The following FAM216A variants were observed in gnomAD, a reference collection of about 807,000 sequenced individuals.
FAM216A encodes family with sequence similarity 216 member A.
A neutral mutation model predicts 37.6 loss-of-function variants in FAM216A; 26 were observed. The ratio of observed to expected loss-of-function variants is 0.69; its 90% CI spans 0.51 to 0.96. The LOEUF (loss-of-function observed/expected upper bound fraction) is 0.96. FAM216A is among the 40% of genes least tolerant of loss of function. The pLI is 0.00. For missense variants in FAM216A, 326 were observed against 339.3 expected (o/e 0.96, Z 0.31); for synonymous variants, 110 against 121.7 (o/e 0.90, Z 0.64).
intron 2 of FAM216A, among the ~76,000 whole-genome samples, chr12:110,479,097 G>A (rs2062731482): frequency 6.6e-6 from 1 of 151,654 alleles, no homozygotes. Context: ...GCTGAGGCAG[G>A]AGAATGGCGT....
At chr12:110,469,047 G>T in intron 1 of FAM216A, 29 bp downstream of exon 1, 1 of 1,408,020 alleles carries the variant, frequency 7.1e-7, no homozygotes, top group South Asian at 1.5e-5. Context: ...GGGTAAGGGT[G>T]GCAGCATGGG....
intron 1 of FAM216A, among the ~76,000 whole-genome samples, chr12:110,470,824 T>TA (rs966775995): frequency 1.3e-5 from 2 of 150,936 alleles, no homozygotes; most frequent in Non-Finnish European, 3.0e-5. Context: ...AAACTACAAT[T>TA]AAAAAAAAAG....
chr12:110,477,356 T>G (rs2135546100), intron 2 of FAM216A, among the ~76,000 whole-genome samples: 1 of 152,300 alleles, frequency 6.6e-6, no homozygotes, highest in East Asian at 1.9e-4. Context: ...TTTTATTTAT[T>G]TATTTATTTA....
rs2062695756 is a variant in FAM216A, at chr12:110,473,065, A to G, written c.144-13A>G. The G allele has an allele frequency of 7.0e-7, 1 of 1,435,970 alleles. No homozygotes were observed. The highest frequency in any genetic ancestry group is 9.5e-7 in the Non-Finnish European group (1 of 1,053,494). 89.0% of individuals were successfully genotyped at this position (1,435,970 alleles called of 1,614,324 possible). On this transcript the variant is annotated splice_polypyrimidine_tract_variant and intron_variant, in intron 1 of 6. Coordinates refer to ENST00000377673, the MANE Select transcript of FAM216A (RefSeq NM_013300.3). ...TTATTACATATTATTTATATGCTTT[A>G]TTTTTTCAACAGATCAGCTGGATAC...
intron 5 of FAM216A, chr12:110,487,122 T>G (rs907109506): frequency 1.3e-5 from 2 of 156,946 alleles, no homozygotes; most frequent in African/African-American, 4.8e-5. Context: ...GGCTGGACTT[T>G]TAAAAAGCAG....
chr12:110,477,749 G>A (rs1369376370), intron 2 of FAM216A, among the ~76,000 whole-genome samples: 1 of 138,990 alleles, frequency 7.2e-6, no homozygotes, highest in Non-Finnish European at 1.6e-5. Context: ...CCTCTGTCGC[G>A]CAGGCTGGAG....
In FAM216A at chr12:110,489,716, T is replaced by C. The variant is rs1184867126; in HGVS notation, c.704-303T>C. On this transcript the variant is annotated intron_variant, in intron 6 of 6. Transcript: ENST00000377673. ...GAGATGAGAAGGAACTAAATGAAAA[T>C]GCAGAGATTCTGAAGATGTAACTGA... Among the ~76,000 whole-genome samples the C allele has an allele frequency of 3.9e-5, 6 of 152,122 alleles. No individual in the cohort carries two copies. In the South Asian group the frequency reaches 1.2e-3, roughly 32 times the overall value.
At chr12:110,482,602 T>C (rs2062753502) in intron 2 of FAM216A, among the ~76,000 whole-genome samples, 2 of 151,434 alleles carry the variant, frequency 1.3e-5, no homozygotes, top group South Asian at 2.1e-4. Flanking sequence ...GAGACCATCC[T>C]GGCTAACATG....
intron 2 of FAM216A, among the ~76,000 whole-genome samples, chr12:110,480,322 G>C (rs1168918139): frequency 6.8e-6 from 1 of 146,948 alleles, no homozygotes; most frequent in African/African-American, 2.5e-5. Flanking sequence ...TCCTGCCTCA[G>C]CCTCCTGAGT....
rs1236170176 is a variant in FAM216A, at chr12:110,469,022, A to T, written c.143+4A>T. On this transcript the variant is annotated splice_donor_region_variant and intron_variant, in intron 1 of 6. Coordinates refer to ENST00000377673, the MANE Select transcript of FAM216A (RefSeq NM_013300.3). ...GGACCGAGGGTGGCGGCGGCGGGTG[A>T]GGTTGGGGGCCCCGGGGTAAGGGTG... The T allele has an allele frequency of 6.8e-7, 1 of 1,461,884 alleles. No individual in the cohort carries two copies. Among genetic ancestry groups the T allele is most frequent in the African/African-American group, 1.5e-5 (1 of 68,716 alleles). 90.6% of individuals were successfully genotyped at this position (1,461,884 alleles called of 1,614,324 possible).
intron 2 of FAM216A, among the ~76,000 whole-genome samples, chr12:110,482,744 G>A (rs1333940668): frequency 1.4e-5 from 2 of 147,586 alleles, no homozygotes; most frequent in Admixed American, 6.8e-5. Context: ...GCAGTGAGCC[G>A]AAATGGCGCC....
chr12:110,474,100 G>A (rs1219668552), intron 2 of FAM216A, among the ~76,000 whole-genome samples: 1 of 151,956 alleles, frequency 6.6e-6, no homozygotes, highest in Non-Finnish European at 1.5e-5. Flanking sequence ...ACATATATGT[G>A]TGCATATATA....
chr12:110,470,340 C>T (rs1026905738), intron 1 of FAM216A, among the ~76,000 whole-genome samples: 1 of 151,964 alleles, frequency 6.6e-6, no homozygotes, highest in African/African-American at 2.4e-5. Flanking sequence ...CCTCGTGATC[C>T]GCCCGCATGG....
chr12:110,485,397 T>C (rs921950419), intron 3 of FAM216A, among the ~76,000 whole-genome samples, 198 bp downstream of exon 3: 1 of 152,168 alleles, frequency 6.6e-6, no homozygotes, highest in Non-Finnish European at 1.5e-5. Flanking sequence ...TCATAAGAGT[T>C]ATTTCATGGT....
intron 2 of FAM216A, 139 bp from the exon 3 acceptor site, chr12:110,484,939 A>G (rs1282944683): frequency 1.5e-6 from 1 of 680,230 alleles, no homozygotes; most frequent in Non-Finnish European, 2.4e-6. Context: ...TGACCTCGTG[A>G]TCCACCCACC....
At chr12:110,469,489 CT>C (rs1298638753) in intron 1 of FAM216A, among the ~76,000 whole-genome samples, 1 of 151,994 alleles carries the variant, frequency 6.6e-6, no homozygotes, top group Non-Finnish European at 1.5e-5. Flanking sequence ...ACGGGGATTT[CT>C]TTTTCTTTTT....
At chr12:110,480,455 G>A (rs1440317486) in intron 2 of FAM216A, among the ~76,000 whole-genome samples, 2 of 151,078 alleles carry the variant, frequency 1.3e-5, no homozygotes, top group Non-Finnish European at 3.0e-5. Flanking sequence ...CGCCCGCCTC[G>A]GCCTCCCAAA....
chr12:110,479,205 C>T lies in FAM216A; in HGVS notation c.185-5873C>T, dbSNP rs118171344. The stretch of plus-strand genomic sequence containing the variant: ...TATATATTTAAAGTAGAGAAGAGTA[C>T]GTAGAAACCAAGATCTGGGTGCTAG... On this transcript the variant is annotated intron_variant, in intron 2 of 6. Transcript: ENST00000377673. 5.7e-4 allele frequency among the ~76,000 whole-genome samples: 87 copies of T among 151,534 alleles called. No homozygotes were observed. In the South Asian group the frequency reaches 0.011, roughly 19 times the overall value.
At position 110,486,659 on chromosome 12, in the gene FAM216A, TC is replaced by T; in HGVS notation, c.563del (p.Ser188LeufsTer15). 6.2e-7 allele frequency: 1 copy of T among 1,614,158 alleles called. No homozygotes were observed. Among genetic ancestry groups the T allele is most frequent in the Non-Finnish European group, 8.5e-7 (1 of 1,180,016 alleles). ...DSGSSDIAAA[S>X]APEMLIQHSL... is the part of the protein sequence containing the mutation. ...GGGGTCTTCTGATATCGCAGCTGCA[TC>T]TGCACCTGAAATGCTCATACAGCAT... On this transcript the variant is annotated frameshift_variant, in exon 5 of 7. Coordinates refer to ENST00000377673, the MANE Select transcript of FAM216A (RefSeq NM_013300.3). LOFTEE classifies it high-confidence loss of function.
Sources: gnomAD v4.1 joint callset for allele counts (sites outside exome capture counted in the v4.1 genomes callset) on GRCh38, gnomAD v4.1.1 for gene constraint, MANE v1.5 for transcripts, NCBI Gene and HGNC (gene_info 2026-07-23, HGNC 2026-07-21) for gene names.